SGCZ: variants seen among roughly 807,000 people sequenced by gnomAD.
SGCZ encodes the protein zeta-sarcoglycan.
Under a neutral mutation model 41.3 loss-of-function variants are expected in SGCZ, and 40 were observed. The ratio of observed to expected loss-of-function variants is 0.97; its 90% confidence interval spans 0.75 to 1.26. The LOEUF is 1.26. SGCZ is among the 50% of genes most tolerant of loss of function. SGCZ has a pLI of 0.00. For synonymous variants in SGCZ, 206 were observed against 137.5 expected (o/e 1.50, Z -3.49); for missense variants, 552 against 369.8 (o/e 1.49, Z -4.04).
At chr8:14,430,708 G>T in intron 2 of SGCZ, among the ~76,000 whole-genome samples, 1 of 152,242 alleles carries the variant, frequency 6.6e-6, no homozygotes, top group East Asian at 1.9e-4. Context: ...AACCAGACAA[G>T]AGAAAGAAAT....
intron 3 of SGCZ, among the ~76,000 whole-genome samples, chr8:14,296,844 A>G (rs896559151): frequency 2.6e-5 from 4 of 152,212 alleles, no homozygotes; most frequent in Admixed American, 2.0e-4. Context: ...ATACTAGCCC[A>G]AGCATATCAT....
intron 2 of SGCZ, among the ~76,000 whole-genome samples, chr8:14,440,159 T>G (rs1057109953): frequency 6.6e-5 from 10 of 152,066 alleles, no homozygotes; most frequent in African/African-American, 2.4e-4. Context: ...CTACAAGGTG[T>G]TTGTTTTTGT....
At chr8:14,579,891 T>A (rs17119852) in intron 1 of SGCZ, among the ~76,000 whole-genome samples, 3,202 of 152,274 alleles carry the variant, frequency 0.021, 122 homozygotes, top group African/African-American at 0.073. Flanking sequence ...TTCCCCTGAG[T>A]CTAAGCAGAT....
chr8:15,134,448 A>AG (rs1210800013), intron 1 of SGCZ, among the ~76,000 whole-genome samples: 1 of 152,160 alleles, frequency 6.6e-6, no homozygotes, highest in Non-Finnish European at 1.5e-5. Context: ...ACAACCTCCA[A>AG]GCAAAAGGTA....
chr8:14,716,042 A>C (rs933725010), intron 1 of SGCZ, among the ~76,000 whole-genome samples: 6 of 152,148 alleles, frequency 3.9e-5, no homozygotes, highest in Non-Finnish European at 7.4e-5. Flanking sequence ...GAAAGTCACT[A>C]ATCTTAGAAA....
chr8:14,500,798 A>C (rs943557728), intron 2 of SGCZ, among the ~76,000 whole-genome samples: 2 of 152,114 alleles, frequency 1.3e-5, no homozygotes, highest in African/African-American at 4.8e-5. Flanking sequence ...AAATTGTGGT[A>C]TCTATATCCA....
Position 14,102,076 on chromosome 8 carries a change from T to TTATATATA in SGCZ, c.744+292_744+299dup, listed in dbSNP as rs55667194. ...TGCCTGCCACTATGCTTGGCTAACTTTATATATATATATATATATATATAT... is the reference window on the plus strand; with the variant it reads ...TGCCTGCCACTATGCTTGGCTAACTTTATATATATATATATATATATATATATATATAT... On this transcript the variant is annotated intron_variant, in intron 7 of 7. Transcript: ENST00000382080. 3.3e-3 allele frequency among the ~76,000 whole-genome samples: 401 copies of TTATATATA among 119,852 alleles called. 2 individuals are homozygous for TTATATATA. The highest frequency in any genetic ancestry group is 0.013 in the African/African-American group (373 of 28,948). The allele number at this position is 119,852 out of a possible 152,430, so 78.6% of individuals were successfully genotyped here. A position where few individuals can be genotyped will look rare whatever the true frequency, so the allele number is the denominator to read the frequency against.
At chr8:14,645,554 C>A (rs1351590392) in intron 1 of SGCZ, among the ~76,000 whole-genome samples, 1 of 146,898 alleles carries the variant, frequency 6.8e-6, no homozygotes, top group African/African-American at 2.5e-5. Context: ...ATATTAGGAA[C>A]AAATAGACAA....
intron 1 of SGCZ, among the ~76,000 whole-genome samples, chr8:15,153,293 T>C (rs1315533153): frequency 6.6e-6 from 1 of 152,132 alleles, no homozygotes; most frequent in Admixed American, 6.6e-5. Flanking sequence ...AAAACAAATG[T>C]CTAATGCATG....
chr8:14,507,832 C>T (rs181901047), intron 2 of SGCZ, among the ~76,000 whole-genome samples: 14 of 148,860 alleles, frequency 9.4e-5, no homozygotes, highest in African/African-American at 3.5e-4. Flanking sequence ...AGTGCAATGG[C>T]GCGATCTCAG....
At chr8:14,939,786 C>A (rs2130818420) in intron 1 of SGCZ, among the ~76,000 whole-genome samples, 1 of 152,216 alleles carries the variant, frequency 6.6e-6, no homozygotes, top group African/African-American at 2.4e-5. Flanking sequence ...GCAGCTTCTA[C>A]AATTTCCACT....
intron 1 of SGCZ, among the ~76,000 whole-genome samples, chr8:14,929,620 G>A (rs952872379): frequency 1.3e-5 from 2 of 151,882 alleles, no homozygotes; most frequent in African/African-American, 4.8e-5. Context: ...TATACACTCA[G>A]CAGATCCCCA....
chr8:15,165,788 G>T (rs1428016925), intron 1 of SGCZ, among the ~76,000 whole-genome samples: 1 of 152,206 alleles, frequency 6.6e-6, no homozygotes, highest in Non-Finnish European at 1.5e-5. Flanking sequence ...CAAAGAAGTG[G>T]TGGAGGAATT....
rs537486586 is a variant in SGCZ, at chr8:14,860,020, T to C, written c.40-305094A>G. On this transcript the variant is annotated intron_variant, in intron 1 of 7. Coordinates refer to ENST00000382080, the MANE Select transcript of SGCZ (RefSeq NM_139167.4). Reference sequence around the variant, plus strand: ...GCAAAAGTAAAAGATAAGGAAAGAATTGATAAGAATCAAGGAATCAGCGTT... The same window carrying C: ...GCAAAAGTAAAAGATAAGGAAAGAACTGATAAGAATCAAGGAATCAGCGTT... Among the ~76,000 whole-genome samples the C allele has an allele frequency of 7.5e-4, 114 of 152,264 alleles. 1 individual carries two copies. The highest frequency in any genetic ancestry group is 6.8e-3 in the Middle Eastern group (2 of 294).
At chr8:14,242,616 T>G (rs1181939499) in intron 3 of SGCZ, among the ~76,000 whole-genome samples, 4 of 152,192 alleles carry the variant, frequency 2.6e-5, no homozygotes, top group Non-Finnish European at 5.9e-5. Flanking sequence ...CGGCAATGTG[T>G]GCTTTTATGA....
At chr8:14,301,200 G>A (rs185742513) in intron 3 of SGCZ, among the ~76,000 whole-genome samples, 1 of 151,938 alleles carries the variant, frequency 6.6e-6, no homozygotes. Flanking sequence ...CTTCCTTGTT[G>A]AGATTTACGT....
At chr8:14,723,127 T>C (rs747182678) in intron 1 of SGCZ, among the ~76,000 whole-genome samples, 1 of 152,160 alleles carries the variant, frequency 6.6e-6, no homozygotes, top group Non-Finnish European at 1.5e-5. Flanking sequence ...CTTTTCAAGA[T>C]GGCCGACCAG....
intron 1 of SGCZ, among the ~76,000 whole-genome samples, chr8:15,039,691 C>T (rs1175339994): frequency 6.6e-6 from 1 of 152,190 alleles, no homozygotes; most frequent in African/African-American, 2.4e-5. Flanking sequence ...ATCTATTTCA[C>T]TCACTGACTA....
chr8:15,224,147 T>C (rs945831432), intron 1 of SGCZ, among the ~76,000 whole-genome samples: 1 of 152,158 alleles, frequency 6.6e-6, no homozygotes, highest in Non-Finnish European at 1.5e-5. Flanking sequence ...TGAGCCACCA[T>C]GCCCAGCCAA....
Sources: allele counts gnomAD v4.1 joint callset (sites outside exome capture counted in the v4.1 genomes callset), GRCh38; gene constraint gnomAD v4.1.1; transcripts MANE v1.5; gene names NCBI Gene and HGNC (gene_info 2026-07-23, HGNC 2026-07-21).